AUTS2: variants seen among roughly 807,000 people sequenced by gnomAD.
AUTS2 encodes autism susceptibility gene 2 protein.
Under a neutral mutation model 112.4 loss-of-function variants are expected in AUTS2, and 17 were observed. That is an observed-to-expected ratio of 0.15 (90% CI 0.10 to 0.23). The LOEUF (loss-of-function observed/expected upper bound fraction) is 0.23, where lower values mean the gene tolerates loss of function less well. Ranked by LOEUF, AUTS2 falls within the 10% of genes least tolerant of loss-of-function variation. The probability of loss-of-function intolerance (pLI) is 1.00; values close to 1 mark genes in which losing one functional copy is unlikely to be tolerated. For synonymous variants in AUTS2, 751 were observed against 702.7 expected, an observed-to-expected ratio of 1.07 and a Z score of -1.09; for missense variants, 1,510 against 1,701.6, an observed-to-expected ratio of 0.89 and a Z score of 1.98.
chr7:70,746,337 G>T (rs1270214084), intron 6 of AUTS2, among the ~76,000 whole-genome samples: 2 of 152,020 alleles, frequency 1.3e-5, no homozygotes, highest in East Asian at 3.9e-4. Flanking sequence ...GTAGAGACGG[G>T]GTTTCACCAT....
intron 18 of AUTS2, 93 bp downstream of exon 18, chr7:70,787,524 C>A: frequency 2.1e-6 from 2 of 954,940 alleles, no homozygotes; most frequent in Non-Finnish European, 3.1e-6. Context: ...CTGTCCCAGC[C>A]TCGTGCTTTA....
intron 1 of AUTS2, among the ~76,000 whole-genome samples, chr7:69,677,056 A>C (rs572772261): frequency 1.1e-4 from 16 of 152,282 alleles, no homozygotes; most frequent in South Asian, 8.3e-4. Context: ...TAGAAAATCT[A>C]ATCTATTTGG....
intron 4 of AUTS2, among the ~76,000 whole-genome samples, chr7:70,312,246 A>G (rs377101288): frequency 1.3e-5 from 2 of 152,160 alleles, no homozygotes; most frequent in East Asian, 3.9e-4. Flanking sequence ...TAATCTTACC[A>G]TGGGGTATCT....
intron 4 of AUTS2, among the ~76,000 whole-genome samples, chr7:70,203,671 C>T: frequency 6.8e-6 from 1 of 147,010 alleles, no homozygotes; most frequent in East Asian, 2.0e-4. Flanking sequence ...AGAATTTATT[C>T]ATCAAAGGAG....
chr7:70,165,606 G>A (rs769671435), intron 4 of AUTS2, among the ~76,000 whole-genome samples: 1 of 152,156 alleles, frequency 6.6e-6, no homozygotes, highest in Non-Finnish European at 1.5e-5. Flanking sequence ...GATGAAGCAA[G>A]AGAAGTTTTG....
At chr7:70,720,926 A>G (rs1211762940) in intron 6 of AUTS2, among the ~76,000 whole-genome samples, 5 of 152,136 alleles carry the variant, frequency 3.3e-5, no homozygotes, top group African/African-American at 7.2e-5. Flanking sequence ...CTTAAACACG[A>G]GAGATAAGCA....
At chr7:70,056,751 G>A (rs1417832728) in intron 2 of AUTS2, among the ~76,000 whole-genome samples, 1 of 152,202 alleles carries the variant, frequency 6.6e-6, no homozygotes, top group Non-Finnish European at 1.5e-5. Context: ...CACCACTAGA[G>A]ACATGGTTTG....
At position 69,632,441 on chromosome 7, in the gene AUTS2, G is replaced by T. The variant is rs1446114913; in HGVS notation, c.309+32479G>T. 2.0e-5 allele frequency among the ~76,000 whole-genome samples: 3 copies of T among 152,258 alleles called. No homozygotes were observed. The East Asian group carries it at 5.8e-4, about 29-fold the overall frequency. ...TAGAACTTGATACATGCTTAGAAAG[G>T]TAGGAACGTAAAAGTGGATTATGAG... On this transcript the variant is annotated intron_variant, in intron 1 of 18. Coordinates refer to ENST00000342771, the MANE Select transcript of AUTS2 (RefSeq NM_015570.4).
chr7:70,760,184 T>C (rs1422390395), intron 6 of AUTS2, among the ~76,000 whole-genome samples: 1 of 152,130 alleles, frequency 6.6e-6, no homozygotes, highest in Non-Finnish European at 1.5e-5. Context: ...TTTTTGTGTT[T>C]TTAGTAGAGG....
intron 5 of AUTS2, among the ~76,000 whole-genome samples, chr7:70,478,775 C>G (rs2116116617): frequency 6.6e-6 from 1 of 151,142 alleles, no homozygotes; most frequent in South Asian, 2.1e-4. Flanking sequence ...TTTTTATTAG[C>G]AAACTAGCTA....
chr7:69,851,747 G>C (rs1792494115), intron 1 of AUTS2, among the ~76,000 whole-genome samples: 1 of 152,220 alleles, frequency 6.6e-6, no homozygotes, highest in South Asian at 2.1e-4. Context: ...ATTTTTCTGA[G>C]ACATTATACA....
chr7:69,974,651 CTT>C (rs1341858289), intron 2 of AUTS2, among the ~76,000 whole-genome samples: 1 of 152,074 alleles, frequency 6.6e-6, no homozygotes, highest in African/African-American at 2.4e-5. Context: ...CTTCCTCTGC[CTT>C]TTTGTTCTGT....
chr7:70,514,832 C>T (rs1244936540), intron 5 of AUTS2, among the ~76,000 whole-genome samples: 1 of 152,156 alleles, frequency 6.6e-6, no homozygotes, highest in Non-Finnish European at 1.5e-5. Flanking sequence ...TTTTAATATT[C>T]TCCTGTGTGA....
intron 4 of AUTS2, among the ~76,000 whole-genome samples, chr7:70,282,627 T>C (rs1788274229): frequency 1.3e-5 from 2 of 152,152 alleles, no homozygotes; most frequent in South Asian, 4.2e-4. Flanking sequence ...ATCACCTTGG[T>C]AGTTAGGATT....
chr7:70,402,406 C>T (rs533716560), intron 4 of AUTS2, among the ~76,000 whole-genome samples: 13 of 152,300 alleles, frequency 8.5e-5, no homozygotes, highest in South Asian at 6.2e-4. Flanking sequence ...GTGAAGCTGA[C>T]GCAGAATCAC....
At chr7:70,738,236 G>A (rs956461114) in intron 6 of AUTS2, among the ~76,000 whole-genome samples, 19 of 152,092 alleles carry the variant, frequency 1.2e-4, no homozygotes, top group Admixed American at 3.3e-4. Flanking sequence ...CAAATGACCC[G>A]TTCTCACTGC....
chr7:70,485,187 T>G (rs1797935965), intron 5 of AUTS2, among the ~76,000 whole-genome samples: 1 of 152,142 alleles, frequency 6.6e-6, no homozygotes, highest in African/African-American at 2.4e-5. Flanking sequence ...ACACATATGT[T>G]TACAGTAGCA....
chr7:69,891,812 GA>G (rs2129539298), intron 1 of AUTS2, among the ~76,000 whole-genome samples: 1 of 9,880 alleles, frequency 1.0e-4, no homozygotes, highest in African/African-American at 2.3e-4. Flanking sequence ...TTTTTTTTTT[GA>G]GATGGAGTAT....
intron 2 of AUTS2, among the ~76,000 whole-genome samples, chr7:70,003,184 A>G (rs1164182336): frequency 8.1e-6 from 1 of 122,882 alleles, no homozygotes; most frequent in Non-Finnish European, 1.6e-5. Flanking sequence ...ATATGAATAT[A>G]TTATATATGA....
Sources: allele counts gnomAD v4.1 joint callset (sites outside exome capture counted in the v4.1 genomes callset), GRCh38; gene constraint gnomAD v4.1.1; transcripts MANE v1.5; gene names NCBI Gene and HGNC (gene_info 2026-07-23, HGNC 2026-07-21).